Variants in NR1D1 observed in about 807,000 individuals in gnomAD.
NR1D1 encodes nuclear receptor subfamily 1 group D member 1.
Under a neutral mutation model 51.1 loss-of-function variants are expected in NR1D1, and 17 were observed. That is an observed-to-expected ratio of 0.33 (90% CI 0.23 to 0.50). NR1D1 has a LOEUF of 0.50. Among genes scored for constraint, NR1D1 ranks in the 20% least tolerant of loss-of-function variants. The pLI, the probability that NR1D1 is intolerant of heterozygous loss-of-function variation, is 0.98. For synonymous variants in NR1D1, 341 were observed against 333.4 expected (o/e 1.02, Z -0.25); for missense variants, 647 against 830.4 (o/e 0.78, Z 2.71).
At position 40,095,806 on chromosome 17, in the gene NR1D1, G is replaced by A. The variant is rs1463950409; in HGVS notation, c.886C>T (p.His296Tyr). Reference protein sequence around the residue: ...EDVISQVARAHREIFTYAHDK... With the variant: ...EDVISQVARAYREIFTYAHDK... ...TGGGCGTAGGTGAAGATCTCTCGAT[G>A]GGCCCGGGCCACCTGGGATATCACA... Residue 296 changes from histidine to tyrosine, a missense_variant, in exon 5 of 8, where the codon CAT becomes TAT. His to Tyr is a moderately conservative substitution (Grantham distance 83). Coordinates refer to ENST00000246672, the MANE Select transcript of NR1D1 (RefSeq NM_021724.5). 1 of 1,613,830 alleles carries A rather than the reference G, an allele frequency of 6.2e-7. No homozygotes were observed. Among genetic ancestry groups the A allele is most frequent in the East Asian group, 2.2e-5 (1 of 44,874 alleles).
rs1042386817 is a variant in NR1D1, at chr17:40,100,393, C to A, written c.-299G>T. The A allele has an allele frequency of 1.1e-5, 6 of 557,238 alleles. No homozygotes were observed. The Admixed American group carries it at 1.6e-4, about 15-fold the overall frequency. 34.5% of individuals were successfully genotyped at this position (557,238 alleles called of 1,614,324 possible). On this transcript the variant is annotated 5_prime_UTR_variant, in exon 1 of 8. Coordinates refer to ENST00000246672, the MANE Select transcript of NR1D1 (RefSeq NM_021724.5). The stretch of plus-strand genomic sequence containing the variant: ...GGTAGCAAGGAGGGTCGGGTCTCTG[C>A]AGTGTACGGGGTGCCTCTGCCTGCC...
At chr17:40,095,189 G>C in intron 5 of NR1D1, 69 bp from the exon 6 acceptor site, 2 of 1,468,604 alleles carry the variant, frequency 1.4e-6, no homozygotes, top group South Asian at 2.5e-5. Context: ...CCCGAGCAGA[G>C]CTGGACCCCA....
In NR1D1 at chr17:40,094,961, T is replaced by C. The variant is rs1567659528; in HGVS notation, c.1408A>G (p.Thr470Ala). The change falls in exon 6 of 8, where the codon ACC becomes GCC. Residue 470 changes from threonine to alanine, a missense_variant. Thr to Ala is a moderately conservative substitution (Grantham distance 58, BLOSUM62 0). Coordinates refer to ENST00000246672, the MANE Select transcript of NR1D1 (RefSeq NM_021724.5). ...FRDLSQHDQV[T>A]LLKAGTFEVL... is the part of the protein sequence containing the mutation. ...TCAAAGGTGCCAGCCTTAAGCAGGG[T>C]GACTTGGTCATGCTGAGAAAGGTCA... The C allele has an allele frequency of 6.2e-7, 1 of 1,613,966 alleles. No homozygotes were observed. The highest frequency in any genetic ancestry group is 8.5e-7 in the Non-Finnish European group (1 of 1,180,008).
intron 6 of NR1D1, 23 bp downstream of exon 6, chr17:40,094,912 C>G (rs1015092335): frequency 6.8e-6 from 11 of 1,609,032 alleles, no homozygotes; most frequent in Non-Finnish European, 9.3e-6. Context: ...AAACAAAAAC[C>G]AGAAGCATAA....
In NR1D1 at chr17:40,096,374, T is replaced by C. The variant is rs113654846; in HGVS notation, c.604+69A>G. ...TGATGTGTCTCCATTTGTGACTTTT[T>C]TAAAGGGAAGGATTAATTCAGAAAC... On this transcript the variant is annotated intron_variant, in intron 4 of 7. Transcript: ENST00000246672. 810 of 1,607,174 alleles carry C rather than the reference T, an allele frequency of 5.0e-4. 4 individuals carry two copies. In the African/African-American group the frequency reaches 5.8e-3, roughly 12 times the overall value.
intron 2 of NR1D1, 75 bp from the exon 3 acceptor site, chr17:40,096,854 C>G: frequency 6.8e-7 from 1 of 1,473,180 alleles, no homozygotes. Flanking sequence ...CTTTCTGGGC[C>G]GGAGATCCAG....
In NR1D1 at chr17:40,100,221, T is replaced by TCCGAAG; in HGVS notation, c.-133_-128dup. ...TGGACCCCGCGACTCACGATCAGGATCCGAAGCACCCTGCAGCAAGGTCTT... is the reference window on the plus strand; with the variant it reads ...TGGACCCCGCGACTCACGATCAGGATCCGAAGCCGAAGCACCCTGCAGCAAGGTCTT... On this transcript the variant is annotated 5_prime_UTR_variant, in exon 1 of 8. Transcript: ENST00000246672. 9.1e-6 allele frequency: 7 copies of TCCGAAG among 766,416 alleles called. No individual in the cohort carries two copies. In the South Asian group the frequency reaches 9.8e-5, roughly 11 times the overall value. The allele number at this position is 766,416 out of a possible 1,614,324, so 47.5% of individuals were successfully genotyped here. A position where few individuals can be genotyped will look rare whatever the true frequency, so the allele number is the denominator to read the frequency against.
At chr17:40,099,087 C>A (rs1247198052) in intron 1 of NR1D1, among the ~76,000 whole-genome samples, 5 of 139,760 alleles carry the variant, frequency 3.6e-5, no homozygotes, top group African/African-American at 1.3e-4. Context: ...ACCCAGATCT[C>A]GGCGGGGCGG....
Position 40,100,080 on chromosome 17 carries a change from G to T in NR1D1, c.15C>A (p.Asp5Glu). The T allele has an allele frequency of 6.2e-7, 1 of 1,610,578 alleles. No homozygotes were observed. Among genetic ancestry groups the T allele is most frequent in the Non-Finnish European group, 8.5e-7 (1 of 1,176,796 alleles). Residue 5 changes from aspartate to glutamate, a missense_variant, in exon 1 of 8, where the codon GAC (aspartate) becomes GAA (glutamate). Asp to Glu is a conservative substitution (Grantham distance 45). Around this residue, in one of 7 missense-constraint regions of NR1D1, gnomAD observed 40 missense variants for 69.0 expected, o/e 0.58. Transcript: ENST00000246672. MTTL[D>E]SNNNTGGVIT... ...TCTCAGTACCTGTGTTGTTGTTGGA[G>T]TCCAGGGTCGTCATGTCTTCACCAG... is the stretch of plus-strand genomic sequence containing the variant.
At chr17:40,096,162 A>G in intron 4 of NR1D1, 75 bp from the exon 5 acceptor site, 8 of 1,556,518 alleles carry the variant, frequency 5.1e-6, no homozygotes, top group Non-Finnish European at 7.0e-6. Context: ...TTCCTCCTGA[A>G]AGGGCAAGGC....
rs1184169326 is a variant in NR1D1 at position 40,095,017 on chromosome 17, A to G, written c.1352T>C (p.Val451Ala). The G allele has an allele frequency of 1.9e-6, 3 of 1,614,154 alleles. No homozygotes were observed. The highest frequency in any genetic ancestry group is 2.5e-6 in the Non-Finnish European group (3 of 1,180,036). The change falls in exon 6 of 8, where the codon GTA (valine) becomes GCA (alanine). Residue 451 changes from valine (V) to alanine (A), a missense_variant. Coordinates refer to ENST00000246672, the MANE Select transcript of NR1D1 (RefSeq NM_021724.5). ...MSFTPAVREV[V>A]EFAKHIPGFR... ...GCCCGGGATGTGTTTGGCAAACTCT[A>G]CCACCTCCCGCACAGCGGGCGTGAA... is the stretch of plus-strand genomic sequence containing the variant.
In NR1D1 at chr17:40,097,328, T is replaced by C. The variant is rs1598403459; in HGVS notation, c.107A>G (p.Asn36Ser). 1 of 1,613,316 alleles carries C rather than the reference T, an allele frequency of 6.2e-7. No homozygotes were observed. Among genetic ancestry groups the C allele is most frequent in the African/African-American group, 1.3e-5 (1 of 74,594 alleles). The change falls in exon 2 of 8, where the codon AAC (asparagine) becomes AGC (serine). Residue 36 changes from asparagine to serine, a missense_variant. Physicochemically the swap from Asn to Ser is conservative, Grantham distance 46 (BLOSUM62 1). Around this residue, in one of 7 missense-constraint regions of NR1D1, gnomAD observed 40 missense variants for 69.0 expected, o/e 0.58. Transcript: ENST00000246672. ...RTSPESLYSD[N>S]SNGSFQSLTQ... ...CAGGGACTGGAAGCTGCCATTGGAG[T>C]TGTCACTATAGAGGGATTCAGGGCT...
Position 40,100,339 on chromosome 17 carries a change from G to A in NR1D1, c.-245C>T. 2 of 605,024 alleles carry A rather than the reference G, an allele frequency of 3.3e-6. No homozygotes were observed. The highest frequency in any genetic ancestry group is 5.9e-6 in the Non-Finnish European group (2 of 338,926). The allele number at this position is 605,024 out of a possible 1,614,324, so 37.5% of individuals were successfully genotyped here. A position where few individuals can be genotyped will look rare whatever the true frequency, so the allele number is the denominator to read the frequency against. Reference sequence around the variant, plus strand: ...GAAGAGCAGAGAGAGTGTGTAGGGGGAATCAGCCTGCAGTAGTTCTGGCTA... The same window carrying A: ...GAAGAGCAGAGAGAGTGTGTAGGGGAAATCAGCCTGCAGTAGTTCTGGCTA... On this transcript the variant is annotated 5_prime_UTR_variant, in exon 1 of 8. Coordinates refer to ENST00000246672, the MANE Select transcript of NR1D1 (RefSeq NM_021724.5).
At position 40,097,121 on chromosome 17, in the gene NR1D1, A is replaced by G; in HGVS notation, c.314T>C (p.Val105Ala). 1 of 1,610,274 alleles carries G rather than the reference A, an allele frequency of 6.2e-7. No homozygotes were observed. The highest frequency in any genetic ancestry group is 8.5e-7 in the Non-Finnish European group (1 of 1,177,936). ...CACTCGGCTGCTGTCCTCCATGGCC[A>G]CTTGTAGACTCCCAGGGGGGCTCCC... ...YNGSPPGSLQ[V>A]AMEDSSRVSP... The change falls in exon 2 of 8, where the codon GTG becomes GCG. Residue 105 changes from valine to alanine, a missense_variant. Around this residue, in one of 7 missense-constraint regions of NR1D1, gnomAD observed 98 missense variants for 94.7 expected, o/e 1.03. Coordinates refer to ENST00000246672, the MANE Select transcript of NR1D1 (RefSeq NM_021724.5).
At position 40,095,424 on chromosome 17, in the gene NR1D1, G is replaced by T; in HGVS notation, c.1248+20C>A. On this transcript the variant is annotated intron_variant, in intron 5 of 7. Transcript: ENST00000246672. ...CCCCCCCAATCTTCTTAACGCACTCGCCCGCCCCCATGCCCTTACCAGCAG... is the reference window on the plus strand; with the variant it reads ...CCCCCCCAATCTTCTTAACGCACTCTCCCGCCCCCATGCCCTTACCAGCAG... 1.3e-6 allele frequency: 2 copies of T among 1,515,748 alleles called. No individual in the cohort carries two copies. The highest frequency in any genetic ancestry group is 1.8e-6 in the Non-Finnish European group (2 of 1,132,934). 93.9% of individuals were successfully genotyped at this position (1,515,748 alleles called of 1,614,324 possible).
intron 1 of NR1D1, among the ~76,000 whole-genome samples, chr17:40,098,495 A>T (rs1987807899): frequency 6.6e-6 from 1 of 152,222 alleles, no homozygotes; most frequent in South Asian, 2.1e-4. Flanking sequence ...TGGAATCATT[A>T]GTTGGCAGTA....
rs755738434 is a variant in NR1D1 at position 40,096,119 on chromosome 17, T to C, written c.605-32A>G. 14 of 1,599,990 alleles carry C rather than the reference T, an allele frequency of 8.8e-6. No homozygotes were observed. In the South Asian group the frequency reaches 1.6e-4, roughly 18 times the overall value. On this transcript the variant is annotated intron_variant, in intron 4 of 7. Coordinates refer to ENST00000246672, the MANE Select transcript of NR1D1 (RefSeq NM_021724.5). ...CAGGATGAGAACAGCATCAGGAAGT[T>C]CTCAACCATGCTCACGTGCTTCTCT... is the stretch of plus-strand genomic sequence containing the variant.
rs1987650775 is a variant in NR1D1, at chr17:40,093,166, G to A, written c.1762C>T (p.Leu588=). The A allele has an allele frequency of 1.9e-6, 3 of 1,613,902 alleles. No individual in the cohort carries two copies. The highest frequency in any genetic ancestry group is 2.2e-5 in the East Asian group (1 of 44,898). The change falls in exon 8 of 8, where the codon CTG becomes TTG. Residue 588 remains leucine (L), a synonymous_variant. Coordinates refer to ENST00000246672, the MANE Select transcript of NR1D1 (RefSeq NM_021724.5). The surrounding 1 kb of genome is among the most constrained non-coding windows in gnomAD (Gnocchi z 5.9). Reference sequence around the variant, plus strand: ...CGCAGGTCCGGCAGCTTGAGCAGCAGCTTGGTGAAGCGGGAAGTCTCCAAG... The same window carrying A: ...CGCAGGTCCGGCAGCTTGAGCAGCAACTTGGTGAAGCGGGAAGTCTCCAAG... ...RPLETSRFTK[L]LLKLPDLRTL...
In NR1D1 at chr17:40,095,658, G is replaced by T. The variant is rs201933493; in HGVS notation, c.1034C>A (p.Thr345Asn). The change falls in exon 5 of 8, where the codon ACC becomes AAC. Residue 345 changes from threonine to asparagine, a missense_variant. Transcript: ENST00000246672. ...CTCGTTATGACGCTGGGCAGCCAAG[G>T]TGTTGTTGTCATTGGGGGCAGGTGG... ...GCPPAPNDNN[T>N]LAAQRHNEAL... 1 of 1,612,758 alleles carries T rather than the reference G, an allele frequency of 6.2e-7. No homozygotes were observed. The highest frequency in any genetic ancestry group is 8.5e-7 in the Non-Finnish European group (1 of 1,179,114).
Sources: gnomAD v4.1 joint callset for allele counts (sites outside exome capture counted in the v4.1 genomes callset) on GRCh38, gnomAD v4.1.1 for gene constraint, gnomAD v4.1.1 regional missense constraint, Gnocchi (gnomAD v3.1) non-coding constraint, MANE v1.5 for transcripts, NCBI Gene and HGNC (gene_info 2026-07-23, HGNC 2026-07-21) for gene names.